CREBRF: variants seen among roughly 807,000 people sequenced by gnomAD.
The protein encoded by CREBRF is CREB3 regulatory factor.
Under a neutral mutation model 66.1 loss-of-function variants are expected in CREBRF, and 5 were observed. That is an observed-to-expected ratio of 0.08 (90% CI 0.04 to 0.16). The LOEUF (loss-of-function observed/expected upper bound fraction) is 0.16. Ranked by LOEUF, CREBRF falls within the 10% of genes least tolerant of loss-of-function variation. CREBRF has a pLI of 1.00. For missense variants in CREBRF, 531 were observed against 744.9 expected (o/e 0.71, Z 3.34); for synonymous variants, 229 against 264.4 (o/e 0.87, Z 1.30).
chr5:173,137,943 A>G lies in CREBRF; in HGVS notation c.*4198A>G, dbSNP rs1759625673. On this transcript the variant is annotated 3_prime_UTR_variant, in exon 9 of 9. Coordinates refer to ENST00000296953, the MANE Select transcript of CREBRF (RefSeq NM_153607.3). ...AGTATTTTCTAGTTAATTATGTAAC[A>G]GAATGTTAGCATCTCTCCATATCTT... 1 of 152,194 alleles carries G rather than the reference A, an allele frequency of 6.6e-6. No homozygotes were observed. The highest frequency in any genetic ancestry group is 1.5e-5 in the Non-Finnish European group (1 of 68,008). 9.4% of individuals were successfully genotyped at this position (152,194 alleles called of 1,614,324 possible).
chr5:173,076,941 T>C (rs1757783314), intron 1 of CREBRF, among the ~76,000 whole-genome samples: 1 of 151,596 alleles, frequency 6.6e-6, no homozygotes, highest in Non-Finnish European at 1.5e-5. Flanking sequence ...AGTATAAATT[T>C]ATTGGCTTTT....
intron 4 of CREBRF, among the ~76,000 whole-genome samples, chr5:173,093,142 CAA>C (rs905000684): frequency 1.6e-4 from 24 of 151,990 alleles, no homozygotes; most frequent in Admixed American, 3.3e-4. Flanking sequence ...AAGGGTGAAA[CAA>C]AGAGAGGATG....
At chr5:173,104,674 A>G (rs2113763242) in intron 4 of CREBRF, among the ~76,000 whole-genome samples, 2 of 152,028 alleles carry the variant, frequency 1.3e-5, no homozygotes, top group Middle Eastern at 3.4e-3. Flanking sequence ...AGCAAGTCAC[A>G]GTCCCAAGAA....
chr5:173,098,226 C>T (rs1260830000), intron 4 of CREBRF, among the ~76,000 whole-genome samples: 5 of 147,656 alleles, frequency 3.4e-5, no homozygotes, highest in African/African-American at 1.3e-4. Context: ...CTCGCTCTGT[C>T]ACCCAGGCTG....
At chr5:173,117,415 C>A (rs1174933757) in intron 7 of CREBRF, among the ~76,000 whole-genome samples, 1 of 143,074 alleles carries the variant, frequency 7.0e-6, no homozygotes, top group Non-Finnish European at 1.6e-5. Context: ...AATAAATAAA[C>A]GTTCTTTATT....
rs533621411 is a variant in CREBRF, at chr5:173,139,274, TGAAAA to T, written c.*5535_*5539del. 2.1e-4 allele frequency: 32 copies of T among 152,292 alleles called. No individual in the cohort carries two copies. In the South Asian group the frequency reaches 2.9e-3, roughly 14 times the overall value. 9.4% of individuals were successfully genotyped at this position (152,292 alleles called of 1,614,324 possible). On this transcript the variant is annotated 3_prime_UTR_variant, in exon 9 of 9. Coordinates refer to ENST00000296953, the MANE Select transcript of CREBRF (RefSeq NM_153607.3). Reference sequence around the variant, plus strand: ...CTTTGTAATTTAAAATAAAAAAAGATGAAAAGAAAACGTTCTGAATTGTTTGCCTC... The same window carrying T: ...CTTTGTAATTTAAAATAAAAAAAGATGAAAACGTTCTGAATTGTTTGCCTC...
At chr5:173,085,213 G>T in intron 2 of CREBRF, 2 of 394,854 alleles carry the variant, frequency 5.1e-6, no homozygotes, top group Non-Finnish European at 4.5e-6. Flanking sequence ...AAAATGCTGG[G>T]ATTACAGGCT....
chr5:173,081,439 C>T (rs181361698), intron 2 of CREBRF, among the ~76,000 whole-genome samples: 6 of 152,268 alleles, frequency 3.9e-5, no homozygotes, highest in Admixed American at 3.9e-4. Flanking sequence ...TCTTGCCCCT[C>T]CCCTGTTTGT....
At chr5:173,109,712 A>G (rs1180791575) in intron 5 of CREBRF, 4 of 152,310 alleles carry the variant, frequency 2.6e-5, no homozygotes, top group Non-Finnish European at 5.9e-5. Flanking sequence ...TCATCGTACG[A>G]ATGTGAGTTG....
chr5:173,114,687 T>G (rs937569615), intron 7 of CREBRF, among the ~76,000 whole-genome samples: 1 of 152,238 alleles, frequency 6.6e-6, no homozygotes, highest in Non-Finnish European at 1.5e-5. Flanking sequence ...ACTACTCATC[T>G]CATCCTATCC....
At chr5:173,133,564 C>G in intron 8 of CREBRF, 66 bp from the exon 9 acceptor site, 3 of 850,266 alleles carry the variant, frequency 3.5e-6, no homozygotes, top group African/African-American at 1.7e-5. Flanking sequence ...TTTTTACCAG[C>G]TCCTTCCCTT....
chr5:173,066,738 TTTTGAGTCTGACTTC>T (rs1757445739), intron 1 of CREBRF, among the ~76,000 whole-genome samples: 1 of 152,050 alleles, frequency 6.6e-6, no homozygotes, highest in Admixed American at 6.6e-5. Flanking sequence ...ATGTGTTGTC[TTTTGAGTCTGACTTC>T]TTTTAGTTAA....
intron 5 of CREBRF, 59 bp downstream of exon 5, chr5:173,108,877 C>A (rs1156412011): frequency 6.7e-6 from 10 of 1,499,044 alleles, no homozygotes; most frequent in Non-Finnish European, 9.2e-6. Context: ...AGCTACTAAT[C>A]CATAATGTTT....
intron 4 of CREBRF, among the ~76,000 whole-genome samples, chr5:173,094,668 T>G (rs1165793534): frequency 6.6e-6 from 1 of 152,214 alleles, no homozygotes; most frequent in Non-Finnish European, 1.5e-5. Context: ...CCTTGTATAT[T>G]TTGGATATTA....
intron 4 of CREBRF, among the ~76,000 whole-genome samples, chr5:173,093,568 G>C (rs2113743928): frequency 6.6e-6 from 1 of 152,326 alleles, no homozygotes; most frequent in Admixed American, 6.5e-5. Context: ...CTAGGCTGGA[G>C]TGCGGTGGCA....
At chr5:173,060,666 G>A (rs931040191) in intron 1 of CREBRF, among the ~76,000 whole-genome samples, 1 of 151,590 alleles carries the variant, frequency 6.6e-6, no homozygotes, top group African/African-American at 2.4e-5. Context: ...ACTCTTAGAC[G>A]AGACATAAAT....
At chr5:173,097,043 G>T (rs374677972) in intron 4 of CREBRF, among the ~76,000 whole-genome samples, 4 of 152,068 alleles carry the variant, frequency 2.6e-5, no homozygotes, top group East Asian at 1.9e-4. Flanking sequence ...ATGTCCATCA[G>T]GGGTACTGGC....
chr5:173,100,188 C>T lies in CREBRF; in HGVS notation c.1223-8436C>T, dbSNP rs1758593166. Among the ~76,000 whole-genome samples the T allele has an allele frequency of 2.2e-5, 3 of 134,968 alleles. No individual in the cohort carries two copies. In the Admixed American group the frequency reaches 2.5e-4, roughly 11 times the overall value. The allele number at this position is 134,968 out of a possible 152,430, so 88.5% of individuals were successfully genotyped here. ...ACAGGGTTTCATCATGTTGGCCAGG[C>T]TGGTCTCAAACTCTTGACCTCAAGT... On this transcript the variant is annotated intron_variant, in intron 4 of 8. Coordinates refer to ENST00000296953, the MANE Select transcript of CREBRF (RefSeq NM_153607.3).
intron 1 of CREBRF, among the ~76,000 whole-genome samples, chr5:173,064,667 C>T (rs929293806): frequency 4.6e-5 from 7 of 151,422 alleles, no homozygotes; most frequent in Middle Eastern, 6.8e-3. Flanking sequence ...CGGGTTCAAG[C>T]GATTCTCCTG....
Sources: allele counts gnomAD v4.1 joint callset (sites outside exome capture counted in the v4.1 genomes callset), GRCh38; gene constraint gnomAD v4.1.1; transcripts MANE v1.5; gene names NCBI Gene and HGNC (gene_info 2026-07-23, HGNC 2026-07-21).